Variants in PLXNB2 observed in about 807,000 individuals in gnomAD.
PLXNB2 encodes plexin B2, also known as plexin-B2.
Under a neutral mutation model 202.6 loss-of-function variants are expected in PLXNB2, and 85 were observed. That is an observed-to-expected ratio of 0.42 (90% CI 0.35 to 0.50). The LOEUF is 0.50. PLXNB2 is among the 20% of genes least tolerant of loss of function. The pLI is 0.02. For missense variants in PLXNB2, 2,063 were observed against 2,586.2 expected (o/e 0.80, Z 4.39); for synonymous variants, 1,239 against 1,137.6 (o/e 1.09, Z -1.79).
chr22:50,299,086 AG>A (rs1182620711), intron 1 of PLXNB2, among the ~76,000 whole-genome samples: 4 of 152,186 alleles, frequency 2.6e-5, no homozygotes, highest in African/African-American at 9.7e-5. Flanking sequence ...CAGGGGCCAG[AG>A]GAGGTGCATG....
chr22:50,287,356 C>A, intron 7 of PLXNB2, 92 bp from the exon 8 acceptor site: 1 of 1,364,828 alleles, frequency 7.3e-7, no homozygotes, highest in South Asian at 1.5e-5. Context: ...TGTGGGCGCA[C>A]GTCCCAGTGG....
rs28718510 is a variant in PLXNB2 at position 50,278,700 on chromosome 22, T to G, written c.4547-4A>C. The G allele has an allele frequency of 0.57, 917,656 of 1,606,100 alleles. 265,457 individuals are homozygous for G. Among genetic ancestry groups the G allele is most frequent in the South Asian group, 0.64 (58,115 of 90,436 alleles). ...GCTGTGGAGCCCGGACGCCACTCTG[T>G]GGGAAGAGACAGCCCAGCTTGGGCC... On this transcript the variant is annotated splice_region_variant and splice_polypyrimidine_tract_variant and intron_variant, in intron 28 of 36. Coordinates refer to ENST00000359337, the MANE Select transcript of PLXNB2 (RefSeq NM_012401.4).
intron 2 of PLXNB2, among the ~76,000 whole-genome samples, chr22:50,292,306 C>T (rs1218232878): frequency 2.7e-5 from 4 of 147,176 alleles, no homozygotes; most frequent in African/African-American, 5.1e-5. Context: ...CCACTGCACT[C>T]CAGCCTGGGT....
In PLXNB2 at chr22:50,285,910, G is replaced by T; in HGVS notation, c.1987-9C>A. The T allele has an allele frequency of 6.2e-7, 1 of 1,610,800 alleles. No homozygotes were observed. The highest frequency in any genetic ancestry group is 8.5e-7 in the Non-Finnish European group (1 of 1,178,168). ...TGGGGACAGCTGTCCTCCTGGGAGA[G>T]TAAGGCTGGTCAGGTGCTGCCTGGG... On this transcript the variant is annotated splice_polypyrimidine_tract_variant and intron_variant, in intron 10 of 36. Transcript: ENST00000359337.
rs1351267633 is a variant in PLXNB2, at chr22:50,284,067, C to A, written c.2263+65G>T. 7.2e-6 allele frequency: 11 copies of A among 1,529,274 alleles called. No individual in the cohort carries two copies. The East Asian group carries it at 2.6e-4, about 37-fold the overall frequency. The allele number at this position is 1,529,274 out of a possible 1,614,324, so 94.7% of individuals were successfully genotyped here. On this transcript the variant is annotated intron_variant, in intron 13 of 36. Coordinates refer to ENST00000359337, the MANE Select transcript of PLXNB2 (RefSeq NM_012401.4). This position sits in a 1 kb window ranked among gnomAD's most constrained non-coding sequence, Gnocchi z 8.0. ...CTGCTCCCCACTGCGCCCACCTGTC[C>A]CCCCACCCACCGCCTTGTGCCCACC...
At position 50,278,846 on chromosome 22, in the gene PLXNB2, G is replaced by C. The variant is rs375087426; in HGVS notation, c.4546+9C>G. 4.2e-4 allele frequency: 670 copies of C among 1,607,334 alleles called. No individual in the cohort carries two copies. Among genetic ancestry groups the C allele is most frequent in the Non-Finnish European group, 5.5e-4 (646 of 1,176,020 alleles). On this transcript the variant is annotated intron_variant, in intron 28 of 36. Coordinates refer to ENST00000359337, the MANE Select transcript of PLXNB2 (RefSeq NM_012401.4). ...GCCTGTGTGCAGACGGGCAGGGGCC[G>C]GCACTCACCCAGGACCACGCTGTCT...
At chr22:50,292,806 GACA>G (rs1312243057) in intron 2 of PLXNB2, among the ~76,000 whole-genome samples, 1 of 152,304 alleles carries the variant, frequency 6.6e-6, no homozygotes, top group African/African-American at 2.4e-5. Context: ...GCAACCGACC[GACA>G]ACATCTGAGC....
intron 34 of PLXNB2, 41 bp from the exon 35 acceptor site, chr22:50,276,745 C>A: frequency 1.2e-6 from 2 of 1,605,462 alleles, no homozygotes; most frequent in Non-Finnish European, 1.7e-6. Flanking sequence ...GCGGCAGGGA[C>A]CACAAAGGGG....
Position 50,275,397 on chromosome 22 carries a change from GC to G in PLXNB2, c.*306del. Reference sequence around the variant, plus strand: ...GCGTGGGCGGAGGCGGAGGCCAGCTGCCCCCAGCGTGGCAGCGTAAGGCACA... The same window carrying G: ...GCGTGGGCGGAGGCGGAGGCCAGCTGCCCCAGCGTGGCAGCGTAAGGCACA... On this transcript the variant is annotated 3_prime_UTR_variant, in exon 37 of 37. Coordinates refer to ENST00000359337, the MANE Select transcript of PLXNB2 (RefSeq NM_012401.4). The G allele has an allele frequency of 4.0e-6, 2 of 498,266 alleles. No individual in the cohort carries two copies. The highest frequency in any genetic ancestry group is 7.8e-6 in the Non-Finnish European group (2 of 255,244). 30.9% of individuals were successfully genotyped at this position (498,266 alleles called of 1,614,324 possible).
In PLXNB2 at chr22:50,289,886, G is replaced by A. The variant is rs750004225; in HGVS notation, c.699C>T (p.Asn233=). ...EDGPYVFFVF[N]QQDKHPARNR... is the part of the protein sequence containing the mutation. Reference sequence around the variant, plus strand: ...TCCGGGCCGGGTGCTTGTCCTGCTGGTTGAAGACAAAGAAGACGTAGGGGC... The same window carrying A: ...TCCGGGCCGGGTGCTTGTCCTGCTGATTGAAGACAAAGAAGACGTAGGGGC... The change falls in exon 3 of 37, where the codon AAC becomes AAT. Residue 233 remains asparagine (N), a synonymous_variant. Transcript: ENST00000359337. The surrounding 1 kb of genome is among the most constrained non-coding windows in gnomAD (Gnocchi z 8.0). 1.2e-6 allele frequency: 2 copies of A among 1,613,252 alleles called. No individual in the cohort carries two copies. Among genetic ancestry groups the A allele is most frequent in the South Asian group, 1.1e-5 (1 of 91,092 alleles).
rs188122612 is a variant in PLXNB2 at position 50,286,707 on chromosome 22, C to T, written c.1762+404G>A. On this transcript the variant is annotated intron_variant, in intron 8 of 36. Coordinates refer to ENST00000359337, the MANE Select transcript of PLXNB2 (RefSeq NM_012401.4). ...CCCCAAAACTCAGGGGACATGGGCGCGACGCCTGCCCTGGCCCACATGCGA... is the reference window on the plus strand; with the variant it reads ...CCCCAAAACTCAGGGGACATGGGCGTGACGCCTGCCCTGGCCCACATGCGA... Among the ~76,000 whole-genome samples, 233 of 152,312 alleles carry T rather than the reference C, an allele frequency of 1.5e-3. 1 individual carries two copies. The highest frequency in any genetic ancestry group is 5.4e-3 in the African/African-American group (224 of 41,568).
At chr22:50,280,147 G>A (rs1185469171) in intron 25 of PLXNB2, 76 bp from the exon 26 acceptor site, 11 of 1,246,024 alleles carry the variant, frequency 8.8e-6, no homozygotes, top group South Asian at 2.8e-5. Context: ...CCAAGCACCC[G>A]GCCACCCTTG....
At position 50,285,694 on chromosome 22, in the gene PLXNB2, C is replaced by T. The variant is rs113635713; in HGVS notation, c.2088+106G>A. The T allele has an allele frequency of 7.3e-3, 2,960 of 404,074 alleles. 2 individuals are homozygous for T. Among genetic ancestry groups the T allele is most frequent in the South Asian group, 0.032 (901 of 28,052 alleles). The allele number at this position is 404,074 out of a possible 1,614,324, so 25.0% of individuals were successfully genotyped here. A position where few individuals can be genotyped will look rare whatever the true frequency, so the allele number is the denominator to read the frequency against. Reference sequence around the variant, plus strand: ...CTCCGCACCTGAGCCTGCCTGTCACCGGCCGGCACCCCTCCCTCCGTACCT... The same window carrying T: ...CTCCGCACCTGAGCCTGCCTGTCACTGGCCGGCACCCCTCCCTCCGTACCT... On this transcript the variant is annotated intron_variant, in intron 11 of 36. Coordinates refer to ENST00000359337, the MANE Select transcript of PLXNB2 (RefSeq NM_012401.4).
rs925430658 is a variant in PLXNB2 at position 50,280,409 on chromosome 22, G to A, written c.4175+80C>T. 5.9e-5 allele frequency: 81 copies of A among 1,373,694 alleles called. 1 individual carries two copies. The highest frequency in any genetic ancestry group is 2.3e-4 in the Middle Eastern group (1 of 4,290). The allele number at this position is 1,373,694 out of a possible 1,614,324, so 85.1% of individuals were successfully genotyped here. ...CCGGCTCCTGGGGGCCCAACAGGCC[G>A]CTGTGCCACCCGCCACCAGCCCCAG... On this transcript the variant is annotated intron_variant, in intron 25 of 36. Coordinates refer to ENST00000359337, the MANE Select transcript of PLXNB2 (RefSeq NM_012401.4).
chr22:50,304,001 A>C (rs1212003936), intron 1 of PLXNB2, among the ~76,000 whole-genome samples: 1 of 152,224 alleles, frequency 6.6e-6, no homozygotes, highest in Non-Finnish European at 1.5e-5. Context: ...AGCCTGGGAC[A>C]TGAGGCAGCT....
chr22:50,281,901 A>G lies in PLXNB2; in HGVS notation c.3298T>C (p.Phe1100Leu). Reference protein sequence around the residue: ...EYVPDPTFENFTGGVKKQVNK... With the variant: ...EYVPDPTFENLTGGVKKQVNK... ...ACCTGCTTCTTGACGCCACCTGTGA[A>G]GTTCTCAAAGGTGGGGTCAGGCACG... The change falls in exon 20 of 37, where the codon TTC (phenylalanine) becomes CTC (leucine). Residue 1100 changes from phenylalanine (F) to leucine (L), a missense_variant. Transcript: ENST00000359337. The G allele has an allele frequency of 6.2e-7, 1 of 1,612,968 alleles. No homozygotes were observed. The highest frequency in any genetic ancestry group is 8.5e-7 in the Non-Finnish European group (1 of 1,179,948).
chr22:50,283,267 G>C (rs2066152766), intron 16 of PLXNB2, 70 bp downstream of exon 16: 1 of 1,606,900 alleles, frequency 6.2e-7, no homozygotes, highest in African/African-American at 1.3e-5. Context: ...ACTGTCGTGG[G>C]GAGGCGGCGG....
rs1188765951 is a variant in PLXNB2 at position 50,297,978 on chromosome 22, CT to C, written c.-73-3201del. On this transcript the variant is annotated intron_variant, in intron 1 of 36. Transcript: ENST00000359337. The surrounding 1 kb of genome is among the most constrained non-coding windows in gnomAD (Gnocchi z 5.3). ...GCTCCCTGGAAAGCCCCTGCCCATC[CT>C]TTAGACCCCGAGACACCCTCCCTAA... Among the ~76,000 whole-genome samples the C allele has an allele frequency of 6.6e-6, 1 of 152,182 alleles. No individual in the cohort carries two copies. The highest frequency in any genetic ancestry group is 2.4e-5 in the African/African-American group (1 of 41,436).
intron 2 of PLXNB2, among the ~76,000 whole-genome samples, chr22:50,292,317 GA>G (rs1361204525): frequency 7.7e-6 from 1 of 130,374 alleles, no homozygotes; most frequent in East Asian, 2.2e-4. Flanking sequence ...CAGCCTGGGT[GA>G]CAGAGCGAGA....
Sources: gnomAD v4.1 joint callset for allele counts (sites outside exome capture counted in the v4.1 genomes callset) on GRCh38, gnomAD v4.1.1 for gene constraint, Gnocchi (gnomAD v3.1) non-coding constraint, MANE v1.5 for transcripts, NCBI Gene and HGNC (gene_info 2026-07-23, HGNC 2026-07-21) for gene names.